ELK3: variants seen among roughly 807,000 people sequenced by gnomAD.
ELK3 encodes ETS transcription factor ELK3.
A neutral mutation model predicts 28.9 loss-of-function variants in ELK3; 10 were observed. That is an observed-to-expected ratio of 0.35 (90% CI 0.21 to 0.59). The LOEUF is 0.59. ELK3 is among the 20% of genes least tolerant of loss of function. The probability of loss-of-function intolerance (pLI) is 0.82; values close to 1 mark genes in which losing one functional copy is unlikely to be tolerated. For missense variants in ELK3, 463 were observed against 517.3 expected, an observed-to-expected ratio of 0.90 and a Z score of 1.02; for synonymous variants, 272 against 243.5, an observed-to-expected ratio of 1.12 and a Z score of -1.09.
intron 1 of ELK3, among the ~76,000 whole-genome samples, chr12:96,200,058 CTTTT>C (rs956619191): frequency 7.9e-5 from 12 of 151,934 alleles, no homozygotes; most frequent in African/African-American, 2.7e-4. Context: ...GATACCTTCT[CTTTT>C]TATTTTTTAA....
intron 3 of ELK3, among the ~76,000 whole-genome samples, chr12:96,258,863 G>T (rs796717248): frequency 4.4e-4 from 67 of 152,238 alleles, no homozygotes; most frequent in African/African-American, 1.6e-3. Context: ...CATTGCCAGG[G>T]CAATGAATTC....
intron 1 of ELK3, among the ~76,000 whole-genome samples, chr12:96,201,786 T>G (rs1377947005): frequency 2.0e-5 from 3 of 152,122 alleles, no homozygotes; most frequent in Non-Finnish European, 4.4e-5. Flanking sequence ...AACAGCTATT[T>G]TGTGGTGGAA....
chr12:96,246,910 G>A, intron 2 of ELK3, 30 bp from the exon 3 acceptor site: 1 of 1,556,518 alleles, frequency 6.4e-7, no homozygotes, highest in South Asian at 1.2e-5. Flanking sequence ...GGTGCACTCA[G>A]ATTTTCAACG....
At chr12:96,226,440 G>GCA (rs148595418) in intron 2 of ELK3, among the ~76,000 whole-genome samples, 6 of 151,950 alleles carry the variant, frequency 3.9e-5, no homozygotes, top group East Asian at 1.9e-4. Context: ...CTGTCCACAT[G>GCA]CACACACACA....
intron 2 of ELK3, among the ~76,000 whole-genome samples, chr12:96,225,398 A>T (rs958324227): frequency 5.9e-5 from 9 of 152,234 alleles, no homozygotes; most frequent in Non-Finnish European, 1.2e-4. Flanking sequence ...TCACAAAATT[A>T]GCAAAGCCAT....
At chr12:96,218,034 G>C (rs1357458096) in intron 1 of ELK3, among the ~76,000 whole-genome samples, 1 of 151,246 alleles carries the variant, frequency 6.6e-6, no homozygotes, top group Non-Finnish European at 1.5e-5. Context: ...ATTCACGTTT[G>C]ACAAGCTGCT....
Position 96,215,629 on chromosome 12 carries a change from CTTTT to C in ELK3, c.-2-7918_-2-7915del, listed in dbSNP as rs10611662. ...GAAAGACTAAAGAGGGACATAAAACCTTTTTTTTTTTTTTTTTTTTTAAAGAGAG... is the reference window on the plus strand; with the variant it reads ...GAAAGACTAAAGAGGGACATAAAACCTTTTTTTTTTTTTTTTTAAAGAGAG... On this transcript the variant is annotated intron_variant, in intron 1 of 4. Coordinates refer to ENST00000228741, the MANE Select transcript of ELK3 (RefSeq NM_005230.4). 3.7e-3 allele frequency among the ~76,000 whole-genome samples: 492 copies of C among 133,524 alleles called. 1 individual carries two copies. Among genetic ancestry groups the C allele is most frequent in the African/African-American group, 8.9e-3 (316 of 35,632 alleles). The allele number at this position is 133,524 out of a possible 152,430, so 87.6% of individuals were successfully genotyped here.
At chr12:96,226,021 A>G (rs1356096867) in intron 2 of ELK3, among the ~76,000 whole-genome samples, 2 of 152,048 alleles carry the variant, frequency 1.3e-5, no homozygotes, top group Non-Finnish European at 2.9e-5. Context: ...AGTCTCAGCT[A>G]CTTGGGAGGC....
At chr12:96,237,697 C>CT (rs1337339459) in intron 2 of ELK3, among the ~76,000 whole-genome samples, 2 of 152,246 alleles carry the variant, frequency 1.3e-5, no homozygotes, top group Admixed American at 6.5e-5. Context: ...AAGAGGACCG[C>CT]TTGAGCCCAG....
chr12:96,204,329 G>A (rs1478266106), intron 1 of ELK3, among the ~76,000 whole-genome samples: 1 of 152,178 alleles, frequency 6.6e-6, no homozygotes, highest in African/African-American at 2.4e-5. Flanking sequence ...AAACCTGTGT[G>A]TGTAGCTTCC....
At chr12:96,252,502 T>G (rs553122675) in intron 3 of ELK3, among the ~76,000 whole-genome samples, 1 of 152,218 alleles carries the variant, frequency 6.6e-6, no homozygotes, top group African/African-American at 2.4e-5. Context: ...TTAAGAATAT[T>G]CATGATTCAT....
chr12:96,199,912 TCA>T (rs1400285345), intron 1 of ELK3, among the ~76,000 whole-genome samples: 8 of 152,146 alleles, frequency 5.3e-5, no homozygotes, highest in Admixed American at 2.6e-4. Flanking sequence ...ATGAATTTAC[TCA>T]CACACTCTAA....
intron 1 of ELK3, among the ~76,000 whole-genome samples, chr12:96,214,878 C>T (rs1008802886): frequency 1.3e-5 from 2 of 152,118 alleles, no homozygotes; most frequent in Non-Finnish European, 1.5e-5. Context: ...GAAATGGCTA[C>T]TACCCTTTGT....
intron 3 of ELK3, among the ~76,000 whole-genome samples, chr12:96,250,966 C>T (rs1334416746): frequency 6.6e-6 from 1 of 152,168 alleles, no homozygotes; most frequent in East Asian, 1.9e-4. Flanking sequence ...CCTTATCACA[C>T]CTCATACAGG....
intron 2 of ELK3, among the ~76,000 whole-genome samples, chr12:96,243,250 C>T (rs994811259): frequency 2.0e-5 from 3 of 152,168 alleles, no homozygotes; most frequent in South Asian, 2.1e-4. Flanking sequence ...CACCCATCAC[C>T]GTGACCCACT....
At chr12:96,201,474 G>A (rs1021549521) in intron 1 of ELK3, among the ~76,000 whole-genome samples, 1 of 151,556 alleles carries the variant, frequency 6.6e-6, no homozygotes, top group African/African-American at 2.4e-5. Context: ...TTAGCTAGAC[G>A]TGGTGGTGCG....
chr12:96,264,625 A>C (rs1952016480), intron 4 of ELK3, among the ~76,000 whole-genome samples: 2 of 152,186 alleles, frequency 1.3e-5, no homozygotes, highest in South Asian at 4.1e-4. Context: ...TCTCCAAAAA[A>C]AATACAAAAA....
At chr12:96,219,894 A>G (rs145418545) in intron 1 of ELK3, among the ~76,000 whole-genome samples, 2,126 of 152,228 alleles carry the variant, frequency 0.014, 45 homozygotes, top group Admixed American at 0.057. Flanking sequence ...GGAGTGGCTC[A>G]AGAGAGCGCG....
chr12:96,218,911 G>A (rs1042712605), intron 1 of ELK3, among the ~76,000 whole-genome samples: 3 of 152,178 alleles, frequency 2.0e-5, no homozygotes, highest in African/African-American at 4.8e-5. Context: ...GCCTCGCAAA[G>A]TGCTGGGATT....
Sources: gnomAD v4.1 joint callset for allele counts (sites outside exome capture counted in the v4.1 genomes callset) on GRCh38, gnomAD v4.1.1 for gene constraint, MANE v1.5 for transcripts, NCBI Gene and HGNC (gene_info 2026-07-23, HGNC 2026-07-21) for gene names.